The following SPESP1 variants were observed in gnomAD, a reference collection of about 807,000 sequenced individuals.
The protein encoded by SPESP1 is sperm equatorial segment protein 1, also known as equatorial segment protein.
SPESP1 carries 1 observed loss-of-function variant against 3.1 expected under a neutral mutation model. That is an observed-to-expected ratio of 0.33 (90% CI 0.12 to 1.54). SPESP1 has a LOEUF of 1.54. SPESP1 is among the 40% of genes most tolerant of loss of function. The pLI is 0.38. For synonymous variants in SPESP1, 138 were observed against 150.7 expected, an observed-to-expected ratio of 0.92 and a Z score of 0.62; for missense variants, 398 against 410.1, an observed-to-expected ratio of 0.97 and a Z score of 0.26.
intron 1 of SPESP1, 146 bp from the exon 2 acceptor site, chr15:68,945,453 C>A: frequency 1.9e-6 from 1 of 538,566 alleles, no homozygotes; most frequent in Non-Finnish European, 3.0e-6. Flanking sequence ...AAAGTTGACT[C>A]TGTGTCAAAG....
At chr15:68,942,335 CT>C (rs1453118760) in intron 1 of SPESP1, among the ~76,000 whole-genome samples, 1 of 151,914 alleles carries the variant, frequency 6.6e-6, no homozygotes, top group Non-Finnish European at 1.5e-5. Flanking sequence ...TCAATGGATT[CT>C]TTTGTGTTAT....
At chr15:68,941,499 T>G (rs775261510) in intron 1 of SPESP1, among the ~76,000 whole-genome samples, 2 of 152,110 alleles carry the variant, frequency 1.3e-5, no homozygotes, top group African/African-American at 2.4e-5. Flanking sequence ...AAGGGAAAAA[T>G]ACGCTCCTTG....
At chr15:68,945,525 G>T in intron 1 of SPESP1, 74 bp from the exon 2 acceptor site, 1 of 1,205,596 alleles carries the variant, frequency 8.3e-7, no homozygotes, top group South Asian at 2.6e-5. Flanking sequence ...ATAAATTTTG[G>T]TCAGTAGATT....
chr15:68,940,902 C>G (rs1350333110), intron 1 of SPESP1, among the ~76,000 whole-genome samples: 3 of 151,744 alleles, frequency 2.0e-5, no homozygotes, highest in Non-Finnish European at 4.4e-5. Flanking sequence ...TTATAAACGG[C>G]TTCTTTAATT....
chr15:68,940,390 A>G (rs571374079), intron 1 of SPESP1, among the ~76,000 whole-genome samples: 15 of 152,298 alleles, frequency 9.8e-5, no homozygotes, highest in Non-Finnish European at 2.2e-4. Context: ...ACTTTACAAA[A>G]CACAAAACAA....
At position 68,945,834 on chromosome 15, in the gene SPESP1, T is replaced by G. The variant is rs1895945132; in HGVS notation, c.300T>G (p.Thr100=). ...LTNPISEETT[T]FPTGGFTPEI... is the part of the protein sequence containing the mutation. ...ATCCTATCAGTGAAGAAACTACAACTTTCCCTACAGGAGGCTTCACACCGG... is the reference window on the plus strand; with the variant it reads ...ATCCTATCAGTGAAGAAACTACAACGTTCCCTACAGGAGGCTTCACACCGG... The change falls in exon 2 of 2, where the codon ACT becomes ACG. Residue 100 remains threonine, a synonymous_variant. Coordinates refer to ENST00000310673, the MANE Select transcript of SPESP1 (RefSeq NM_145658.4). 2 of 1,614,044 alleles carry G rather than the reference T, an allele frequency of 1.2e-6. No homozygotes were observed. Among genetic ancestry groups the G allele is most frequent in the African/African-American group, 2.7e-5 (2 of 74,928 alleles).
intron 1 of SPESP1, among the ~76,000 whole-genome samples, chr15:68,935,795 TAAG>T (rs1232817924): frequency 2.6e-5 from 4 of 152,250 alleles, no homozygotes; most frequent in Non-Finnish European, 5.9e-5. Flanking sequence ...GCTGGATGAA[TAAG>T]AAGATTTAAT....
At chr15:68,942,773 A>C (rs1895860359) in intron 1 of SPESP1, among the ~76,000 whole-genome samples, 1 of 152,162 alleles carries the variant, frequency 6.6e-6, no homozygotes, top group Non-Finnish European at 1.5e-5. Context: ...AGTTAAGTGA[A>C]TATCCAGATA....
At chr15:68,939,782 A>G (rs1158577667) in intron 1 of SPESP1, 2 of 152,148 alleles carry the variant, frequency 1.3e-5, no homozygotes, top group African/African-American at 2.4e-5. Context: ...TCAGTTTGTT[A>G]AGGAATCAGC....
intron 1 of SPESP1, among the ~76,000 whole-genome samples, chr15:68,933,679 C>T (rs560257104): frequency 1.1e-4 from 16 of 151,612 alleles, no homozygotes; most frequent in African/African-American, 3.9e-4. Flanking sequence ...GGCAACATGG[C>T]GAAACCCCGT....
chr15:68,938,181 A>T (rs1297316745), intron 1 of SPESP1, among the ~76,000 whole-genome samples: 1 of 152,114 alleles, frequency 6.6e-6, no homozygotes, highest in Non-Finnish European at 1.5e-5. Flanking sequence ...AGATTTCACC[A>T]TGTTGGCCAG....
At chr15:68,937,471 G>A (rs1041505190) in intron 1 of SPESP1, among the ~76,000 whole-genome samples, 1 of 152,108 alleles carries the variant, frequency 6.6e-6, no homozygotes, top group Non-Finnish European at 1.5e-5. Flanking sequence ...AGGGGAGTAA[G>A]GATGGAACTT....
intron 1 of SPESP1, among the ~76,000 whole-genome samples, chr15:68,935,212 A>C (rs1343499904): frequency 6.6e-6 from 1 of 152,046 alleles, no homozygotes; most frequent in Non-Finnish European, 1.5e-5. Context: ...TTGATTTTTA[A>C]CTCTTTATCC....
intron 1 of SPESP1, among the ~76,000 whole-genome samples, chr15:68,945,007 A>G (rs1238141870): frequency 6.6e-6 from 1 of 152,232 alleles, no homozygotes; most frequent in Admixed American, 6.5e-5. Flanking sequence ...GATGCACAGT[A>G]GCACACCATT....
At chr15:68,930,763 G>A in intron 1 of SPESP1, 46 bp downstream of exon 1, 1 of 1,612,786 alleles carries the variant, frequency 6.2e-7, no homozygotes, top group Non-Finnish European at 8.5e-7. Context: ...ACACCCTGGG[G>A]GAACTTCCCG....
Position 68,946,583 on chromosome 15 carries a change from AT to A in SPESP1, c.1051del (p.Ter351LysfsTer3). On this transcript the variant is annotated frameshift_variant, in exon 2 of 2. Transcript: ENST00000310673. LOFTEE classifies it high-confidence loss of function. ...SRRVTALLKV[Y>X] ...AGAGTCACAGCCTTATTAAAAGTTT[AT>A]TAAACAATAATATAAAAATTTTAAA... 6.9e-7 allele frequency: 1 copy of A among 1,452,600 alleles called. No homozygotes were observed. The allele number at this position is 1,452,600 out of a possible 1,614,324, so 90.0% of individuals were successfully genotyped here.
At chr15:68,943,953 A>C (rs1895894277) in intron 1 of SPESP1, among the ~76,000 whole-genome samples, 2 of 152,214 alleles carry the variant, frequency 1.3e-5, no homozygotes, top group African/African-American at 4.8e-5. Context: ...ATGTAAATAC[A>C]AAGCAGTTTT....
At chr15:68,932,306 A>G (rs1258199402) in intron 1 of SPESP1, among the ~76,000 whole-genome samples, 1 of 152,174 alleles carries the variant, frequency 6.6e-6, no homozygotes, top group African/African-American at 2.4e-5. Context: ...ACTGCTAGGT[A>G]GGAGTCCCTG....
chr15:68,943,764 A>G (rs1201482701), intron 1 of SPESP1, among the ~76,000 whole-genome samples: 1 of 152,140 alleles, frequency 6.6e-6, no homozygotes, highest in Admixed American at 6.5e-5. Context: ...GCAGTACGAA[A>G]GAGATTTTGT....
Sources: allele counts gnomAD v4.1 joint callset (sites outside exome capture counted in the v4.1 genomes callset), GRCh38; gene constraint gnomAD v4.1.1; transcripts MANE v1.5; gene names NCBI Gene and HGNC (gene_info 2026-07-23, HGNC 2026-07-21).